Variants in COL24A1 observed in about 807,000 individuals in gnomAD.
COL24A1 encodes collagen alpha-1(XXIV) chain.
A neutral mutation model predicts 253.9 loss-of-function variants in COL24A1; 224 were observed. The ratio of observed to expected loss-of-function variants is 0.88; its 90% confidence interval spans 0.79 to 0.99. The LOEUF (loss-of-function observed/expected upper bound fraction) is 0.99, where lower values mean the gene tolerates loss of function less well. Ranked by LOEUF, COL24A1 falls within the 50% of genes least tolerant of loss-of-function variation. The pLI is 0.00. For missense variants in COL24A1, 2,131 were observed against 2,068.5 expected (o/e 1.03, Z -0.59); for synonymous variants, 685 against 673.7 (o/e 1.02, Z -0.26).
At chr1:85,989,954 G>C (rs1332821340) in intron 19 of COL24A1, among the ~76,000 whole-genome samples, 3 of 152,130 alleles carry the variant, frequency 2.0e-5, no homozygotes, top group Non-Finnish European at 4.4e-5. Context: ...TTAATGTAGT[G>C]TTTTGGCTTG....
chr1:85,869,535 C>A (rs1042238222), intron 35 of COL24A1, among the ~76,000 whole-genome samples: 1 of 152,128 alleles, frequency 6.6e-6, no homozygotes, highest in Non-Finnish European at 1.5e-5. Flanking sequence ...AGAGTGGGGG[C>A]CAACATTCAA....
chr1:85,854,705 G>GT (rs1467460338), intron 37 of COL24A1, among the ~76,000 whole-genome samples: 13 of 141,274 alleles, frequency 9.2e-5, no homozygotes, highest in East Asian at 5.9e-4. Context: ...GTATTCCTAG[G>GT]TTTTTGTTTT....
intron 12 of COL24A1, 36 bp downstream of exon 12, chr1:86,046,789 T>A (rs369114977): frequency 6.2e-7 from 1 of 1,609,502 alleles, no homozygotes; most frequent in African/African-American, 1.3e-5. Flanking sequence ...GTTATATTGC[T>A]GTAAAATAAA....
At chr1:86,137,639 C>T (rs1507284) in intron 2 of COL24A1, among the ~76,000 whole-genome samples, 21,464 of 152,078 alleles carry the variant, frequency 0.14, 1,697 homozygotes, top group South Asian at 0.24. Flanking sequence ...ACCAAGACAA[C>T]GACTTGTTCT....
At chr1:85,812,451 A>C (rs1672642820) in intron 47 of COL24A1, among the ~76,000 whole-genome samples, 1 of 152,208 alleles carries the variant, frequency 6.6e-6, no homozygotes, top group Non-Finnish European at 1.5e-5. Context: ...GAAAGATGTT[A>C]GTAAAGTGAA....
At chr1:85,850,644 A>G (rs1677653475) in intron 37 of COL24A1, among the ~76,000 whole-genome samples, 1 of 152,170 alleles carries the variant, frequency 6.6e-6, no homozygotes. Flanking sequence ...TTTAAAAGTC[A>G]GACTGCTCCC....
Position 85,868,608 on chromosome 1 carries a change from C to A in COL24A1, c.3211G>T (p.Gly1071Ter), listed in dbSNP as rs759837477. Residue 1071 changes from glycine (G) to a stop codon, truncating the protein, a stop_gained, in exon 37 of 60, where the codon GGA becomes TGA. Coordinates refer to ENST00000370571, the MANE Select transcript of COL24A1 (RefSeq NM_152890.7). LOFTEE classifies it high-confidence loss of function. The stretch of plus-strand genomic sequence containing the variant: ...TTTTCTCCATCCTCTCCAGGAAGTC[C>A]CCTTCCTCCTGGTACTCCCTGTAAT... The part of the protein sequence containing the change: ...DGLKGVPGGR[G>*]LPGEDGEKGE... 1 of 1,613,380 alleles carries A rather than the reference C, an allele frequency of 6.2e-7. No homozygotes were observed. The highest frequency in any genetic ancestry group is 1.1e-5 in the South Asian group (1 of 91,052).
intron 53 of COL24A1, among the ~76,000 whole-genome samples, chr1:85,775,263 C>T (rs1668420432): frequency 6.6e-6 from 1 of 152,128 alleles, no homozygotes; most frequent in African/African-American, 2.4e-5. Flanking sequence ...TGTTCTTTTA[C>T]ATTTGCTGAG....
intron 42 of COL24A1, among the ~76,000 whole-genome samples, chr1:85,840,246 T>C (rs1462786937): frequency 6.6e-6 from 1 of 152,168 alleles, no homozygotes. Flanking sequence ...GCCAAGTTTT[T>C]TCCATTTGCT....
intron 55 of COL24A1, among the ~76,000 whole-genome samples, chr1:85,747,101 CT>C (rs34758363): frequency 0.57 from 63,844 of 111,242 alleles, 17,384 homozygotes; most frequent in South Asian, 0.72. Context: ...TGAATTATAA[CT>C]TTTTTTTTTT....
intron 24 of COL24A1, among the ~76,000 whole-genome samples, chr1:85,934,853 A>C (rs1688116214): frequency 6.6e-6 from 1 of 152,130 alleles, no homozygotes. Context: ...AAGAAAACAC[A>C]AAACAGTCAC....
intron 35 of COL24A1, among the ~76,000 whole-genome samples, chr1:85,874,014 C>T (rs1309932798): frequency 2.0e-5 from 3 of 151,962 alleles, no homozygotes; most frequent in Non-Finnish European, 4.4e-5. Context: ...TTCACCCCAC[C>T]CCACCCAAAA....
intron 14 of COL24A1, among the ~76,000 whole-genome samples, chr1:86,025,221 A>G (rs79527384): frequency 0.018 from 2,777 of 152,276 alleles, 32 homozygotes; most frequent in Non-Finnish European, 0.031. Context: ...CTACCAACTC[A>G]TCTTCCATAA....
At chr1:85,876,334 A>C (rs963472437) in intron 33 of COL24A1, among the ~76,000 whole-genome samples, 1 of 152,260 alleles carries the variant, frequency 6.6e-6, no homozygotes, top group East Asian at 1.9e-4. Context: ...GATGACTCTT[A>C]GTTTTGGGTT....
In COL24A1 at chr1:85,918,230, G is replaced by C. The variant is rs142966548; in HGVS notation, c.2563-6797C>G. On this transcript the variant is annotated intron_variant, in intron 24 of 59. Coordinates refer to ENST00000370571, the MANE Select transcript of COL24A1 (RefSeq NM_152890.7). The stretch of plus-strand genomic sequence containing the variant: ...ATAATGGGCATTCTTTTCTATTGCT[G>C]TTAACTTTTCTATCTAGAAAAGTTT... Among the ~76,000 whole-genome samples the C allele has an allele frequency of 1.1e-3, 165 of 150,324 alleles. 1 individual carries two copies. The highest frequency in any genetic ancestry group is 3.7e-3 in the African/African-American group (153 of 41,000).
rs545766182 is a variant in COL24A1 at position 86,111,166 on chromosome 1, C to T, written c.1599+1401G>A. ...GGACTTAGAGAACTTTTATGTCTAG[C>T]TAGAGGATTGTAAATGCACCAGTCA... On this transcript the variant is annotated intron_variant, in intron 5 of 59. Coordinates refer to ENST00000370571, the MANE Select transcript of COL24A1 (RefSeq NM_152890.7). 3.4e-5 allele frequency among the ~76,000 whole-genome samples: 5 copies of T among 149,124 alleles called. No individual in the cohort carries two copies. In the South Asian group the frequency reaches 1.1e-3, roughly 32 times the overall value.
Position 86,115,326 on chromosome 1 carries a change from C to T in COL24A1, c.1544G>A (p.Arg515Gln), listed in dbSNP as rs370046426. ...IPGPSGKRGP[R>Q]GIPGPHGNPG... The stretch of plus-strand genomic sequence containing the variant: ...AGGAAATATAGCCCATCTACTTACC[C>T]GTGGACCTCTCTTCCCTGACGGACC... The change falls in exon 4 of 60, where the codon CGG (arginine) becomes CAG (glutamine). Residue 515 changes from arginine to glutamine, a missense_variant and splice_region_variant. Physicochemically the swap from Arg to Gln is conservative, Grantham distance 43. Transcript: ENST00000370571. 1.4e-5 allele frequency: 22 copies of T among 1,613,670 alleles called. No homozygotes were observed. Among genetic ancestry groups the T allele is most frequent in the Admixed American group, 3.3e-5 (2 of 59,960 alleles).
intron 24 of COL24A1, among the ~76,000 whole-genome samples, chr1:85,935,669 A>T (rs1312138551): frequency 6.8e-6 from 1 of 147,354 alleles, no homozygotes; most frequent in East Asian, 2.1e-4. Context: ...CCCAGGCAGT[A>T]GGCATAAGGG....
chr1:85,747,221 C>CT (rs1665327732), intron 55 of COL24A1, among the ~76,000 whole-genome samples: 3 of 151,056 alleles, frequency 2.0e-5, no homozygotes, highest in Admixed American at 2.0e-4. Context: ...AAGCGATTCT[C>CT]CTGCCTCTCA....
Sources: gnomAD v4.1 joint callset for allele counts (sites outside exome capture counted in the v4.1 genomes callset) on GRCh38, gnomAD v4.1.1 for gene constraint, MANE v1.5 for transcripts, NCBI Gene and HGNC (gene_info 2026-07-23, HGNC 2026-07-21) for gene names.